The following USP30 variants were observed in gnomAD, a reference collection of about 807,000 sequenced individuals.
USP30 encodes the protein ubiquitin specific peptidase 30.
In USP30, 41 loss-of-function variants were observed where a neutral mutation model predicts 68.2. The ratio of observed to expected loss-of-function variants is 0.60; its 90% CI spans 0.47 to 0.78. The LOEUF is 0.78. Ranked by LOEUF, USP30 falls within the 30% of genes least tolerant of loss-of-function variation. The pLI is 0.00. For synonymous variants in USP30, 229 were observed against 253.7 expected (o/e 0.90, Z 0.93); for missense variants, 522 against 649.4 (o/e 0.80, Z 2.13).
chr12:109,026,615 G>A (rs1009841893), intron 2 of USP30, among the ~76,000 whole-genome samples: 11 of 150,742 alleles, frequency 7.3e-5, no homozygotes, highest in South Asian at 2.1e-4. Context: ...CCGTAGGTGC[G>A]CACCACCATG....
At chr12:109,025,729 T>C (rs556069207) in intron 2 of USP30, among the ~76,000 whole-genome samples, 4 of 152,172 alleles carry the variant, frequency 2.6e-5, no homozygotes, top group African/African-American at 9.6e-5. Context: ...TGGAGTGCAG[T>C]GGTGTGATCA....
At chr12:109,024,911 A>C (rs924516642) in exon 2 of USP30, 4 of 152,334 alleles carry the variant, frequency 2.6e-5, no homozygotes, top group African/African-American at 9.7e-5. Flanking sequence ...GAACCACCAC[A>C]CCAGCCTAAA....
At chr12:109,040,948 A>G (rs1381868208) in intron 3 of USP30, among the ~76,000 whole-genome samples, 1 of 152,198 alleles carries the variant, frequency 6.6e-6, no homozygotes, top group African/African-American at 2.4e-5. Flanking sequence ...CTTTTCTCCC[A>G]TATTGCCCTA....
chr12:109,058,226 T>A, intron 3 of USP30, 118 bp downstream of exon 3: 1 of 1,150,332 alleles, frequency 8.7e-7, no homozygotes, highest in Non-Finnish European at 1.2e-6. Context: ...CAGATCATTA[T>A]GAATAAACAA....
chr12:109,078,555 C>T (rs1419582640), intron 7 of USP30, among the ~76,000 whole-genome samples: 4 of 151,508 alleles, frequency 2.6e-5, no homozygotes, highest in African/African-American at 7.3e-5. Context: ...GCCGAGATCA[C>T]ACCACTGCAT....
chr12:109,031,565 A>G (rs1025188272), intron 3 of USP30, among the ~76,000 whole-genome samples: 2 of 152,262 alleles, frequency 1.3e-5, no homozygotes, highest in Non-Finnish European at 2.9e-5. Flanking sequence ...TCATAGCAGC[A>G]TTATTCACAA....
intron 7 of USP30, among the ~76,000 whole-genome samples, chr12:109,075,795 G>A (rs1205806238): frequency 6.7e-6 from 1 of 149,096 alleles, no homozygotes; most frequent in Non-Finnish European, 1.5e-5. Context: ...TTTTTGCAAA[G>A]TGTCTGTTCA....
chr12:109,079,049 T>C (rs1431907977), intron 7 of USP30, among the ~76,000 whole-genome samples: 1 of 152,202 alleles, frequency 6.6e-6, no homozygotes, highest in African/African-American at 2.4e-5. Flanking sequence ...ATGCTGCGCA[T>C]AGATGTGGTT....
At chr12:109,058,422 A>G (rs1417572524) in intron 3 of USP30, among the ~76,000 whole-genome samples, 1 of 152,122 alleles carries the variant, frequency 6.6e-6, no homozygotes, top group Non-Finnish European at 1.5e-5. Flanking sequence ...CACAAAAAAT[A>G]TTATCTGGGC....
chr12:109,069,989 G>A (rs972705885), intron 4 of USP30, among the ~76,000 whole-genome samples: 1 of 152,146 alleles, frequency 6.6e-6, no homozygotes, highest in Non-Finnish European at 1.5e-5. Flanking sequence ...GGAGGGCGGT[G>A]GAGGAGAGGG....
chr12:109,025,610 A>T (rs780238013), intron 2 of USP30, among the ~76,000 whole-genome samples: 10 of 152,198 alleles, frequency 6.6e-5, no homozygotes, highest in Non-Finnish European at 1.3e-4. Flanking sequence ...AGTATCTCAT[A>T]TAGAAATTTG....
intron 3 of USP30, among the ~76,000 whole-genome samples, chr12:109,039,748 C>T (rs1484022066): frequency 6.6e-6 from 1 of 152,102 alleles, no homozygotes; most frequent in African/African-American, 2.4e-5. Flanking sequence ...ATAGCTGGGA[C>T]TACAGGTGCC....
At chr12:109,034,297 T>A (rs992358516) in intron 3 of USP30, among the ~76,000 whole-genome samples, 1 of 152,266 alleles carries the variant, frequency 6.6e-6, no homozygotes, top group Non-Finnish European at 1.5e-5. Flanking sequence ...TGTTTGTTAT[T>A]GATTTCTAAT....
At chr12:109,078,337 T>C (rs950041834) in intron 7 of USP30, among the ~76,000 whole-genome samples, 1 of 151,556 alleles carries the variant, frequency 6.6e-6, no homozygotes, top group Non-Finnish European at 1.5e-5. Flanking sequence ...GGCAGGAGAA[T>C]GGCTTGAACC....
At chr12:109,043,702 C>T (rs1261289660) in intron 3 of USP30, among the ~76,000 whole-genome samples, 1 of 152,122 alleles carries the variant, frequency 6.6e-6, no homozygotes, top group African/African-American at 2.4e-5. Flanking sequence ...AAGACACAGG[C>T]AACAACAACA....
intron 7 of USP30, among the ~76,000 whole-genome samples, chr12:109,077,428 A>G (rs1286374693): frequency 6.6e-6 from 1 of 152,180 alleles, no homozygotes; most frequent in Non-Finnish European, 1.5e-5. Flanking sequence ...TGTCATGATA[A>G]ATTGTCCCTC....
upstream of USP30, among the ~76,000 whole-genome samples, chr12:109,049,204 C>A (rs2040635157): frequency 6.6e-6 from 1 of 152,218 alleles, no homozygotes; most frequent in Non-Finnish European, 1.5e-5. Flanking sequence ...CCTATCCTGA[C>A]TTTTGACACA....
At chr12:109,038,115 C>T (rs981290444) in intron 3 of USP30, among the ~76,000 whole-genome samples, 1 of 151,940 alleles carries the variant, frequency 6.6e-6, no homozygotes, top group African/African-American at 2.4e-5. Context: ...AACCTATCAC[C>T]TAGGTATTTA....
At chr12:109,075,940 GAT>G (rs2041591223) in intron 7 of USP30, among the ~76,000 whole-genome samples, 1 of 149,438 alleles carries the variant, frequency 6.7e-6, no homozygotes, top group African/African-American at 2.5e-5. Flanking sequence ...CCTCTTATCA[GAT>G]ATATGGTTTG....
Sources: allele counts gnomAD v4.1 joint callset (sites outside exome capture counted in the v4.1 genomes callset), GRCh38; gene constraint gnomAD v4.1.1; transcripts MANE v1.5; gene names NCBI Gene and HGNC (gene_info 2026-07-23, HGNC 2026-07-21).